ADCK1: variants seen among roughly 807,000 people sequenced by gnomAD.
ADCK1 encodes aarF domain containing kinase 1.
A neutral mutation model predicts 52.3 loss-of-function variants in ADCK1; 41 were observed. The ratio of observed to expected loss-of-function variants is 0.78; its 90% CI spans 0.61 to 1.02. The LOEUF (loss-of-function observed/expected upper bound fraction) is 1.02, where lower values mean the gene tolerates loss of function less well. Among genes scored for constraint, ADCK1 ranks in the 50% least tolerant of loss-of-function variants. The pLI is 0.00. For missense variants in ADCK1, 658 were observed against 679.5 expected, an observed-to-expected ratio of 0.97 and a Z score of 0.35; for synonymous variants, 250 against 274.6, an observed-to-expected ratio of 0.91 and a Z score of 0.89.
intron 6 of ADCK1, among the ~76,000 whole-genome samples, chr14:77,904,786 G>A (rs544672995): frequency 1.0e-3 from 155 of 152,252 alleles, no homozygotes; most frequent in African/African-American, 3.3e-3. Context: ...TGGTGGGGCC[G>A]CTGAGCACCC....
intron 3 of ADCK1, among the ~76,000 whole-genome samples, 193 bp downstream of exon 3, chr14:77,822,711 T>C (rs1427625358): frequency 6.6e-6 from 1 of 152,052 alleles, no homozygotes; most frequent in African/African-American, 2.4e-5. Context: ...ACAGCTGGAA[T>C]TGGGCAGAGG....
chr14:77,808,100 G>A (rs563043782), intron 1 of ADCK1, among the ~76,000 whole-genome samples: 3 of 152,336 alleles, frequency 2.0e-5, no homozygotes, highest in African/African-American at 7.2e-5. Flanking sequence ...CATGAGGGTG[G>A]ATAGGAAGCC....
chr14:77,899,001 C>T (rs2083471261), intron 5 of ADCK1, 99 bp from the exon 6 acceptor site: 1 of 1,493,196 alleles, frequency 6.7e-7, no homozygotes, highest in Admixed American at 1.9e-5. Flanking sequence ...CCCAGGGGAG[C>T]AGTTTCCCTT....
chr14:77,909,665 A>G (rs146786442), intron 7 of ADCK1, among the ~76,000 whole-genome samples: 5 of 152,180 alleles, frequency 3.3e-5, no homozygotes, highest in Non-Finnish European at 7.4e-5. Flanking sequence ...TGTGAAGACT[A>G]TGTGAGTTAG....
At chr14:77,842,510 TC>T (rs2082094924) in intron 3 of ADCK1, among the ~76,000 whole-genome samples, 2 of 141,752 alleles carry the variant, frequency 1.4e-5, no homozygotes, top group Admixed American at 7.2e-5. Context: ...CTTCCTTCCT[TC>T]CTTCATTTCC....
intron 3 of ADCK1, among the ~76,000 whole-genome samples, chr14:77,835,268 A>C (rs2081937281): frequency 6.6e-6 from 1 of 152,234 alleles, no homozygotes; most frequent in Non-Finnish European, 1.5e-5. Flanking sequence ...CCTAAGACAA[A>C]GTGTAAAAAA....
chr14:77,907,764 G>C (rs767998199), intron 6 of ADCK1, 39 bp from the exon 7 acceptor site: 1 of 1,524,094 alleles, frequency 6.6e-7, no homozygotes, highest in Non-Finnish European at 9.0e-7. Context: ...CCGATTCCCA[G>C]CTTCCCCAGA....
At chr14:77,869,791 A>C (rs1379344198) in intron 4 of ADCK1, among the ~76,000 whole-genome samples, 3 of 152,178 alleles carry the variant, frequency 2.0e-5, no homozygotes, top group Admixed American at 6.5e-5. Flanking sequence ...GGTCAGCCTC[A>C]TTCACAGCTG....
intron 9 of ADCK1, 25 bp downstream of exon 9, chr14:77,925,986 C>A (rs897491421): frequency 2.5e-6 from 4 of 1,612,824 alleles, no homozygotes; most frequent in East Asian, 2.2e-5. Context: ...CAGGCCCTGC[C>A]TCTTCCTAAA....
At chr14:77,933,107 C>G (rs2084376334) in intron 10 of ADCK1, 113 bp from the exon 11 acceptor site, 1 of 1,045,086 alleles carries the variant, frequency 9.6e-7, no homozygotes, top group African/African-American at 1.6e-5. Flanking sequence ...TCCCTAGGGG[C>G]AGGGAGCTGG....
chr14:77,823,862 G>A (rs943895779), intron 3 of ADCK1, among the ~76,000 whole-genome samples: 7 of 150,956 alleles, frequency 4.6e-5, no homozygotes, highest in African/African-American at 1.7e-4. Flanking sequence ...GTGAGCCACT[G>A]TGCCAGGCCT....
intron 1 of ADCK1, among the ~76,000 whole-genome samples, chr14:77,813,856 A>C (rs10148373): frequency 6.6e-6 from 1 of 151,258 alleles, no homozygotes; most frequent in Non-Finnish European, 1.5e-5. Context: ...TGCAACCTCT[A>C]CCTCCTGTTC....
At chr14:77,808,821 C>T (rs940168620) in intron 1 of ADCK1, among the ~76,000 whole-genome samples, 1 of 152,228 alleles carries the variant, frequency 6.6e-6, no homozygotes, top group African/African-American at 2.4e-5. Context: ...GGTGATCCAC[C>T]CGCCTTGGCC....
At chr14:77,831,649 A>G (rs543123120) in intron 3 of ADCK1, among the ~76,000 whole-genome samples, 1 of 151,578 alleles carries the variant, frequency 6.6e-6, no homozygotes, top group South Asian at 2.1e-4. Context: ...CAGTGGTGTG[A>G]TCTCGGCTCA....
At chr14:77,911,318 T>C (rs1215327402) in intron 7 of ADCK1, among the ~76,000 whole-genome samples, 1 of 152,136 alleles carries the variant, frequency 6.6e-6, no homozygotes, top group African/African-American at 2.4e-5. Flanking sequence ...GATCTATAGG[T>C]TGGTGCAAAG....
At chr14:77,832,443 A>G (rs2081876278) in intron 3 of ADCK1, among the ~76,000 whole-genome samples, 1 of 152,218 alleles carries the variant, frequency 6.6e-6, no homozygotes. Context: ...TTGGACAGAA[A>G]GTAGACACAA....
intron 3 of ADCK1, among the ~76,000 whole-genome samples, chr14:77,842,374 C>T (rs1459614725): frequency 6.6e-6 from 1 of 151,866 alleles, no homozygotes; most frequent in African/African-American, 2.4e-5. Context: ...TGTCCCTGAG[C>T]TTTGTGCCTA....
chr14:77,921,326 C>CAAAAAAAAAA (rs756056466), intron 7 of ADCK1, among the ~76,000 whole-genome samples: 1,558 of 41,156 alleles, frequency 0.038, 269 homozygotes, highest in East Asian at 0.12. Context: ...GACTCTGTCT[C>CAAAAAAAAAA]AAAAAAAAAA....
intron 1 of ADCK1, among the ~76,000 whole-genome samples, chr14:77,816,881 A>AAAATATATATATAT (rs150077207): frequency 8.2e-5 from 9 of 110,028 alleles, no homozygotes; most frequent in African/African-American, 2.6e-4. Flanking sequence ...GTAGATGGTA[A>AAAATATATATATAT]ATATATATAT....
Sources: gnomAD v4.1 joint callset for allele counts (sites outside exome capture counted in the v4.1 genomes callset) on GRCh38, gnomAD v4.1.1 for gene constraint, MANE v1.5 for transcripts, NCBI Gene and HGNC (gene_info 2026-07-23, HGNC 2026-07-21) for gene names.